DNAH2: variants seen among roughly 807,000 people sequenced by gnomAD.
The protein encoded by DNAH2 is dynein axonemal heavy chain 2.
In DNAH2, 323 loss-of-function variants were observed where a neutral mutation model predicts 523.5. The observed-to-expected ratio is 0.62, with a 90% CI of 0.56 to 0.68. The LOEUF (loss-of-function observed/expected upper bound fraction) is 0.68, where lower values mean the gene tolerates loss of function less well. Among genes scored for constraint, DNAH2 ranks in the 30% least tolerant of loss-of-function variants. The pLI, the probability that DNAH2 is intolerant of heterozygous loss-of-function variation, is 0.00. For missense variants in DNAH2, 4,907 were observed against 5,701.5 expected (o/e 0.86, Z 4.49); for synonymous variants, 2,093 against 2,177.4 (o/e 0.96, Z 1.08).
chr17:7,776,725 C>A, intron 31 of DNAH2, 54 bp from the exon 32 acceptor site: 2 of 1,425,792 alleles, frequency 1.4e-6, no homozygotes, highest in Non-Finnish European at 2.0e-6. Flanking sequence ...GGGAGCTGGG[C>A]TGTGCGTGTA....
intron 2 of DNAH2, among the ~76,000 whole-genome samples, chr17:7,723,123 G>C (rs1188151855): frequency 2.7e-5 from 4 of 150,316 alleles, no homozygotes; most frequent in Non-Finnish European, 1.5e-5. Context: ...GCTCCCACCA[G>C]CACATCTGGC....
rs201491272 is a variant in DNAH2 at position 7,824,859 on chromosome 17, C to G, written c.11853+132C>G. On this transcript the variant is annotated intron_variant, in intron 77 of 85. Coordinates refer to ENST00000572933, the MANE Select transcript of DNAH2 (RefSeq NM_020877.5). ...TCAAAAAATTCCACCTCATTCCTCTCCTGTTTGTGCCAAACTCCTAGAACA... is the reference window on the plus strand; with the variant it reads ...TCAAAAAATTCCACCTCATTCCTCTGCTGTTTGTGCCAAACTCCTAGAACA... 54 of 731,480 alleles carry G rather than the reference C, an allele frequency of 7.4e-5. 1 individual carries two copies. The East Asian group carries it at 1.6e-3, about 22-fold the overall frequency. The allele number at this position is 731,480 out of a possible 1,614,324, so 45.3% of individuals were successfully genotyped here. A position where few individuals can be genotyped will look rare whatever the true frequency, so the allele number is the denominator to read the frequency against.
chr17:7,740,301 G>T, intron 9 of DNAH2, 119 bp from the exon 10 acceptor site: 1 of 1,465,442 alleles, frequency 6.8e-7, no homozygotes. Flanking sequence ...TAAAGTACTT[G>T]GAGTGCCTGG....
At chr17:7,801,070 G>A (rs751418381) in intron 56 of DNAH2, among the ~76,000 whole-genome samples, 9 of 151,538 alleles carry the variant, frequency 5.9e-5, no homozygotes, top group Non-Finnish European at 1.0e-4. Context: ...ATGGGGTTTC[G>A]CCATGTTGCC....
chr17:7,740,486 G>A lies in DNAH2; in HGVS notation c.1443G>A (p.Leu481=). Residue 481 remains leucine (L), a synonymous_variant, in exon 10 of 86, where the codon TTG becomes TTA. Coordinates refer to ENST00000572933, the MANE Select transcript of DNAH2 (RefSeq NM_020877.5). ...ACCTGATCACCTCAGCCTTCGAGTT[G>A]GTGCGGGACGTGCCGCACGGCGTGC... is the stretch of plus-strand genomic sequence containing the variant. ...TQNLITSAFE[L]VRDVPHGVLL... 6.2e-7 allele frequency: 1 copy of A among 1,614,152 alleles called. No individual in the cohort carries two copies. Among genetic ancestry groups the A allele is most frequent in the Non-Finnish European group, 8.5e-7 (1 of 1,180,022 alleles).
Position 7,791,925 on chromosome 17 carries a change from A to T in DNAH2, c.6909A>T (p.Pro2303=). 6.2e-7 allele frequency: 1 copy of T among 1,613,558 alleles called. No homozygotes were observed. The highest frequency in any genetic ancestry group is 8.5e-7 in the Non-Finnish European group (1 of 1,179,808). Residue 2303 remains proline (P), a synonymous_variant, in exon 45 of 86, where the codon CCA becomes CCT. Transcript: ENST00000572933. ...ALATPENGVN[P]ADGENYVTMV... ...TCTCGTTCTCCATCCAGGTGAACCC[A>T]GCTGACGGCGAGAACTATGTCACCA...
At chr17:7,825,827 T>C (rs1385510846) in intron 77 of DNAH2, among the ~76,000 whole-genome samples, 1 of 152,208 alleles carries the variant, frequency 6.6e-6, no homozygotes, top group Non-Finnish European at 1.5e-5. Context: ...AGCACCATAA[T>C]AGCAACTCGT....
intron 28 of DNAH2, among the ~76,000 whole-genome samples, chr17:7,773,873 G>C (rs1319048963): frequency 6.6e-6 from 1 of 152,070 alleles, no homozygotes; most frequent in Non-Finnish European, 1.5e-5. Flanking sequence ...TGGATTACAG[G>C]CACCCGCCAC....
Position 7,740,939 on chromosome 17 carries a change from G to A in DNAH2, c.1636G>A (p.Gly546Arg). ...GGAGCCCTACGTGGCCCAGTATTCC[G>A]GAAAGGCGCGCTGGGTGCACATCCT... ...DLEPYVAQYS[G>R]KARWVHILRR... Residue 546 changes from glycine (G) to arginine (R), a missense_variant, in exon 11 of 86, where the codon GGA becomes AGA. Physicochemically the swap from Gly to Arg is moderately radical, Grantham distance 125. Around this residue, in one of 3 missense-constraint regions of DNAH2, gnomAD observed 2,806 missense variants for 3,190.8 expected, o/e 0.88. Coordinates refer to ENST00000572933, the MANE Select transcript of DNAH2 (RefSeq NM_020877.5). The A allele has an allele frequency of 1.2e-6, 2 of 1,613,064 alleles. No individual in the cohort carries two copies. The highest frequency in any genetic ancestry group is 1.7e-6 in the Non-Finnish European group (2 of 1,179,122).
chr17:7,738,039 G>C (rs1374010346), intron 8 of DNAH2: 20 of 703,310 alleles, frequency 2.8e-5, no homozygotes, highest in East Asian at 2.1e-4. Context: ...GTCTCTTCCA[G>C]CAAGGAGGAC....
chr17:7,724,492 G>A (rs1303156506), intron 3 of DNAH2, among the ~76,000 whole-genome samples: 2 of 151,974 alleles, frequency 1.3e-5, no homozygotes, highest in Non-Finnish European at 2.9e-5. Flanking sequence ...GGTGGCGGAT[G>A]CCTGTAATCC....
chr17:7,819,492 C>T, intron 72 of DNAH2, 84 bp downstream of exon 72: 1 of 1,465,766 alleles, frequency 6.8e-7, no homozygotes, highest in Non-Finnish European at 9.5e-7. Flanking sequence ...TGCTTTCCCG[C>T]ACCGCGGCTC....
At position 7,797,809 on chromosome 17, in the gene DNAH2, T is replaced by A. The variant is rs2077107733; in HGVS notation, c.8210T>A (p.Phe2737Tyr). The change falls in exon 53 of 86, where the codon TTC becomes TAC. Residue 2737 changes from phenylalanine to tyrosine, a missense_variant. This residue lies in a region of DNAH2 where 250 missense variants were observed against 371.3 expected (regional missense o/e 0.67). Coordinates refer to ENST00000572933, the MANE Select transcript of DNAH2 (RefSeq NM_020877.5). The stretch of plus-strand genomic sequence containing the variant: ...GTCGTGCCCATGCAGCTAGTGCTCT[T>A]CCGAGAGGCTATTGAACACAGTGAG... ...PSVVPMQLVL[F>Y]REAIEHITRI... 1 of 1,612,732 alleles carries A rather than the reference T, an allele frequency of 6.2e-7. No homozygotes were observed.
At chr17:7,742,860 C>CGGTGGG in intron 11 of DNAH2, 68 bp from the exon 12 acceptor site, 1 of 1,217,062 alleles carries the variant, frequency 8.2e-7, no homozygotes, top group Non-Finnish European at 1.1e-6. Context: ...GTGTAGGTCT[C>CGGTGGG]AGGGAGATGG....
Position 7,826,283 on chromosome 17 carries a change from G to T in DNAH2, c.11853+1556G>T, listed in dbSNP as rs548902060. 2.6e-5 allele frequency among the ~76,000 whole-genome samples: 4 copies of T among 152,124 alleles called. No individual in the cohort carries two copies. The South Asian group carries it at 8.3e-4, about 32-fold the overall frequency. ...GATCCACCCACCTTGGCTTCCCAAAGTGCTGGGATTACAGGGATTACAGGT... is the reference window on the plus strand; with the variant it reads ...GATCCACCCACCTTGGCTTCCCAAATTGCTGGGATTACAGGGATTACAGGT... On this transcript the variant is annotated intron_variant, in intron 77 of 85. Transcript: ENST00000572933.
chr17:7,806,197 C>T (rs2077362305), intron 61 of DNAH2, among the ~76,000 whole-genome samples: 1 of 152,170 alleles, frequency 6.6e-6, no homozygotes, highest in Admixed American at 6.5e-5. Flanking sequence ...GATGATTTTG[C>T]CCAACTGTAG....
Position 7,754,305 on chromosome 17 carries a change from C to A in DNAH2, c.1905-2786C>A. The A allele has an allele frequency of 2.7e-6, 1 of 376,444 alleles. No homozygotes were observed. The highest frequency in any genetic ancestry group is 4.7e-6 in the Non-Finnish European group (1 of 211,932). 23.3% of individuals were successfully genotyped at this position (376,444 alleles called of 1,614,324 possible). A position where few individuals can be genotyped will look rare whatever the true frequency, so the allele number is the denominator to read the frequency against. ...AAGGTATAGGAGAGCTGGAAGAGGGCATCTGAAAGGGAAAGGAAGTTATAC... is the reference window on the plus strand; with the variant it reads ...AAGGTATAGGAGAGCTGGAAGAGGGAATCTGAAAGGGAAAGGAAGTTATAC... On this transcript the variant is annotated intron_variant, in intron 12 of 85. Transcript: ENST00000572933. The surrounding 1 kb of genome is among the most constrained non-coding windows in gnomAD (Gnocchi z 4.6).
Position 7,793,067 on chromosome 17 carries a change from C to A in DNAH2, c.7431C>A (p.Ser2477Arg). 1 of 1,614,234 alleles carries A rather than the reference C, an allele frequency of 6.2e-7. No homozygotes were observed. Among genetic ancestry groups the A allele is most frequent in the Non-Finnish European group, 8.5e-7 (1 of 1,180,052 alleles). ...KGVYVPFGGKSMITFMDDLNM... is the reference protein window; with the variant it reads ...KGVYVPFGGKRMITFMDDLNM... ...TCTACGTGCCATTCGGGGGCAAAAG[C>A]ATGATCACCTTTATGGATGACCTAA... The change falls in exon 48 of 86, where the codon AGC (serine) becomes AGA (arginine). Residue 2477 changes from serine to arginine, a missense_variant. Physicochemically the swap from Ser to Arg is moderately radical, Grantham distance 110 (BLOSUM62 -1). Transcript: ENST00000572933.
chr17:7,770,724 A>G (rs1223260642), intron 26 of DNAH2, 29 bp from the exon 27 acceptor site: 1 of 1,613,882 alleles, frequency 6.2e-7, no homozygotes, highest in East Asian at 2.2e-5. Flanking sequence ...GGTGGGGATG[A>G]ACTATGATTT....
Sources: allele counts gnomAD v4.1 joint callset (sites outside exome capture counted in the v4.1 genomes callset), GRCh38; gene constraint gnomAD v4.1.1; regional missense constraint gnomAD v4.1.1; non-coding constraint Gnocchi (gnomAD v3.1); transcripts MANE v1.5; gene names NCBI Gene and HGNC (gene_info 2026-07-23, HGNC 2026-07-21).